PROS1: variants seen among roughly 807,000 people sequenced by gnomAD.
PROS1 encodes the protein vitamin K-dependent protein S.
In PROS1, 29 loss-of-function variants were observed where a neutral mutation model predicts 75.9. The observed-to-expected ratio is 0.38, with a 90% CI of 0.28 to 0.52. PROS1 has a LOEUF of 0.52. PROS1 is among the 20% of genes least tolerant of loss of function. The probability of loss-of-function intolerance (pLI) is 0.83; values close to 1 mark genes in which losing one functional copy is unlikely to be tolerated. For missense variants in PROS1, 680 were observed against 810.3 expected (o/e 0.84, Z 1.95); for synonymous variants, 245 against 280.6 (o/e 0.87, Z 1.27).
rs867413243 is a variant in PROS1 at position 93,927,993 on chromosome 3, G to A, written c.77-586C>T. 5.9e-3 allele frequency among the ~76,000 whole-genome samples: 150 copies of A among 25,628 alleles called. 2 individuals are homozygous for A. The highest frequency in any genetic ancestry group is 0.026 in the South Asian group (17 of 662). The allele number at this position is 25,628 out of a possible 152,430, so 16.8% of individuals were successfully genotyped here. A position where few individuals can be genotyped will look rare whatever the true frequency, so the allele number is the denominator to read the frequency against. ...TGTGTGTATATATATGTGTGTGTGT[G>A]TATATATATATATATATATTTTTTT... is the stretch of plus-strand genomic sequence containing the variant. On this transcript the variant is annotated intron_variant, in intron 1 of 14. Transcript: ENST00000394236.
chr3:93,889,964 T>A (rs747405229), intron 10 of PROS1, among the ~76,000 whole-genome samples: 2 of 152,196 alleles, frequency 1.3e-5, no homozygotes, highest in Non-Finnish European at 2.9e-5. Context: ...GCCATATTTT[T>A]CTTCTTGCAG....
intron 7 of PROS1, among the ~76,000 whole-genome samples, chr3:93,899,834 T>G (rs1379132389): frequency 6.6e-6 from 1 of 152,172 alleles, no homozygotes; most frequent in South Asian, 2.1e-4. Context: ...CTGTTGGGGC[T>G]GATGAAAAAG....
At chr3:93,919,381 T>C (rs1408498576) in intron 3 of PROS1, among the ~76,000 whole-genome samples, 1 of 151,790 alleles carries the variant, frequency 6.6e-6, no homozygotes, top group Non-Finnish European at 1.5e-5. Flanking sequence ...CATGTCATTT[T>C]CCAAATCTGA....
chr3:93,952,878 A>G (rs570684419), intron 1 of PROS1, among the ~76,000 whole-genome samples: 1 of 152,138 alleles, frequency 6.6e-6, no homozygotes, highest in African/African-American at 2.4e-5. Context: ...TAGACACAAT[A>G]AAAAATGATA....
At chr3:93,951,076 C>CAA (rs1300006399) in intron 1 of PROS1, among the ~76,000 whole-genome samples, 1 of 152,000 alleles carries the variant, frequency 6.6e-6, no homozygotes, top group African/African-American at 2.4e-5. Context: ...AGAAAGCCTC[C>CAA]AAGAAATATG....
chr3:93,882,250 T>C (rs1227690230), intron 12 of PROS1, among the ~76,000 whole-genome samples: 3 of 152,218 alleles, frequency 2.0e-5, no homozygotes, highest in African/African-American at 7.2e-5. Context: ...TAACCTTTGA[T>C]AGAGATAACC....
At chr3:93,903,643 G>T (rs1288668429) in intron 6 of PROS1, among the ~76,000 whole-genome samples, 2 of 152,072 alleles carry the variant, frequency 1.3e-5, no homozygotes, top group Admixed American at 6.6e-5. Context: ...CAGCCTAGGT[G>T]ACAGAGCAAA....
rs184549279 is a variant in PROS1 at position 93,953,571 on chromosome 3, T to C, written c.76+20103A>G. ...CTCAATAAACTAGGTATTGATGGGA[T>C]GTATCTCAAAATAATAAGAGCTATT... is the stretch of plus-strand genomic sequence containing the variant. On this transcript the variant is annotated intron_variant, in intron 1 of 14. Transcript: ENST00000394236. 3.2e-3 allele frequency among the ~76,000 whole-genome samples: 487 copies of C among 152,250 alleles called. 3 individuals are homozygous for C. Among genetic ancestry groups the C allele is most frequent in the African/African-American group, 0.011 (452 of 41,560 alleles).
At chr3:93,915,740 G>C (rs543163926) in intron 3 of PROS1, among the ~76,000 whole-genome samples, 7 of 152,110 alleles carry the variant, frequency 4.6e-5, no homozygotes, top group African/African-American at 1.7e-4. Flanking sequence ...TGACACTTAA[G>C]TAATCTCTAA....
At chr3:93,892,395 C>G (rs1264676075) in intron 10 of PROS1, among the ~76,000 whole-genome samples, 1 of 151,586 alleles carries the variant, frequency 6.6e-6, no homozygotes. Flanking sequence ...GAGGCCAAGG[C>G]AAGTGGATCA....
At chr3:93,967,723 T>TAAA (rs143423104) in intron 1 of PROS1, among the ~76,000 whole-genome samples, 12 of 152,110 alleles carry the variant, frequency 7.9e-5, no homozygotes, top group Non-Finnish European at 1.5e-4. Flanking sequence ...TCATCTCTAC[T>TAAA]AAAAATCAAA....
At chr3:93,924,295 G>A in intron 2 of PROS1, 31 bp from the exon 3 acceptor site, 1 of 1,222,312 alleles carries the variant, frequency 8.2e-7, no homozygotes, top group Non-Finnish European at 1.1e-6. Context: ...ACATATCTTA[G>A]CAAACCTAAA....
intron 10 of PROS1, among the ~76,000 whole-genome samples, chr3:93,892,052 G>T (rs566377191): frequency 7.9e-5 from 12 of 152,064 alleles, no homozygotes; most frequent in Non-Finnish European, 1.8e-4. Context: ...TATGCCAGCC[G>T]GGTGTGGTTG....
At chr3:93,957,123 T>TA (rs1219614530) in intron 1 of PROS1, among the ~76,000 whole-genome samples, 4 of 152,116 alleles carry the variant, frequency 2.6e-5, no homozygotes, top group African/African-American at 7.2e-5. Flanking sequence ...TTAAATATAT[T>TA]ATAATAAGCA....
intron 10 of PROS1, among the ~76,000 whole-genome samples, chr3:93,887,638 A>G (rs558865626): frequency 2.0e-5 from 3 of 152,354 alleles, no homozygotes; most frequent in East Asian, 3.9e-4. Flanking sequence ...AATATAGCCA[A>G]TTAGCAGCAT....
chr3:93,915,592 G>A (rs1268330653), intron 3 of PROS1, among the ~76,000 whole-genome samples: 1 of 152,202 alleles, frequency 6.6e-6, no homozygotes, highest in South Asian at 2.1e-4. Flanking sequence ...CAGGCATGGA[G>A]ATAATTCAGC....
intron 1 of PROS1, among the ~76,000 whole-genome samples, chr3:93,940,329 C>T (rs1252418464): frequency 3.3e-5 from 5 of 152,156 alleles, no homozygotes; most frequent in African/African-American, 4.8e-5. Flanking sequence ...TGGACCATCA[C>T]ATATGCTTTG....
At chr3:93,911,585 G>A (rs1217201198) in intron 3 of PROS1, among the ~76,000 whole-genome samples, 4 of 152,170 alleles carry the variant, frequency 2.6e-5, no homozygotes, top group Non-Finnish European at 5.9e-5. Flanking sequence ...TGCCAATGGA[G>A]TCAACCAGGA....
At chr3:93,925,742 T>G (rs1406058823) in intron 2 of PROS1, among the ~76,000 whole-genome samples, 1 of 148,476 alleles carries the variant, frequency 6.7e-6, no homozygotes, top group Non-Finnish European at 1.5e-5. Context: ...GAGGATTGCC[T>G]GAGCGGGGGG....
Sources: allele counts gnomAD v4.1 joint callset (sites outside exome capture counted in the v4.1 genomes callset), GRCh38; gene constraint gnomAD v4.1.1; transcripts MANE v1.5; gene names NCBI Gene and HGNC (gene_info 2026-07-23, HGNC 2026-07-21).